MACF1: variants seen among roughly 807,000 people sequenced by gnomAD.
MACF1 encodes the protein microtubule-actin cross-linking factor 1.
A neutral mutation model predicts 854.8 loss-of-function variants in MACF1; 193 were observed. The ratio of observed to expected loss-of-function variants is 0.23; its 90% CI spans 0.20 to 0.25. The LOEUF (loss-of-function observed/expected upper bound fraction) is 0.25, where lower values mean the gene tolerates loss of function less well. Ranked by LOEUF, MACF1 falls within the 10% of genes least tolerant of loss-of-function variation. The probability of loss-of-function intolerance (pLI) is 1.00; values close to 1 mark genes in which losing one functional copy is unlikely to be tolerated. For synonymous variants in MACF1, 3,185 were observed against 3,226.7 expected (o/e 0.99, Z 0.44); for missense variants, 7,722 against 8,929.1 (o/e 0.86, Z 5.45).
chr1:39,292,570 C>T (rs1487114413), intron 16 of MACF1, among the ~76,000 whole-genome samples, 196 bp from the exon 17 acceptor site: 3 of 152,204 alleles, frequency 2.0e-5, no homozygotes, highest in African/African-American at 7.2e-5. Context: ...TGTAATTACC[C>T]TGCTCAACTG....
At chr1:39,175,031 G>A (rs1050854760) in intron 2 of MACF1, among the ~76,000 whole-genome samples, 4 of 152,292 alleles carry the variant, frequency 2.6e-5, no homozygotes, top group Non-Finnish European at 5.9e-5. Context: ...GGCTAAGGAA[G>A]TGGCACAGAA....
rs938615622 is a variant in MACF1, at chr1:39,162,738, G to A, written c.221-68444G>A. The stretch of plus-strand genomic sequence containing the variant: ...GAATTTACTTTACAAGATGTTGTGG[G>A]GATTAAATGAGATAGTGAATATAAC... On this transcript the variant is annotated intron_variant, in intron 2 of 93. Coordinates refer to the MACF1 transcript ENST00000361689. 2.0e-5 allele frequency among the ~76,000 whole-genome samples: 3 copies of A among 152,024 alleles called. No homozygotes were observed. The East Asian group carries it at 5.8e-4, about 29-fold the overall frequency.
At position 39,269,082 on chromosome 1, in the gene MACF1, G is replaced by T. The variant is rs1458016269; in HGVS notation, c.528+11054G>T. On this transcript the variant is annotated intron_variant, in intron 6 of 100. Transcript: ENST00000564288. ...CCTTTTGTTAGAGAATGAGTCATCAGTTGCTGGAGGGGTCTGGGATTCCCT... is the reference window on the plus strand; with the variant it reads ...CCTTTTGTTAGAGAATGAGTCATCATTTGCTGGAGGGGTCTGGGATTCCCT... The T allele has an allele frequency of 4.7e-6, 6 of 1,289,674 alleles. 1 individual carries two copies. The Admixed American group carries it at 1.4e-4, about 30-fold the overall frequency. The allele number at this position is 1,289,674 out of a possible 1,614,324, so 79.9% of individuals were successfully genotyped here. A position where few individuals can be genotyped will look rare whatever the true frequency, so the allele number is the denominator to read the frequency against.
chr1:39,458,261 C>G, intron 89 of MACF1, 109 bp from the exon 90 acceptor site: 1 of 1,055,382 alleles, frequency 9.5e-7, no homozygotes, highest in East Asian at 2.6e-5. Flanking sequence ...CTCCACACAG[C>G]CTTTCCTGCC....
rs761483487 is a variant in MACF1 at position 39,309,574 on chromosome 1, G to A, written c.2794G>A (p.Glu932Lys). The A allele has an allele frequency of 6.2e-6, 10 of 1,613,974 alleles. No homozygotes were observed. The highest frequency in any genetic ancestry group is 1.6e-4 in the Middle Eastern group (1 of 6,062). ...CAGGTTCTGTGTTATTTCTAGGGTC[G>A]AACAATCTTATCAGAAGGTTATGGC... is the stretch of plus-strand genomic sequence containing the variant. ...KDAIEMASRV[E>K]QSYQKVMALW... is the part of the protein sequence containing the mutation. Residue 932 changes from glutamate (E) to lysine (K), a missense_variant, in exon 24 of 101, where the codon GAA (glutamate) becomes AAA (lysine). Glu to Lys is a moderately conservative substitution (Grantham distance 56). Transcript: ENST00000564288.
chr1:39,254,127 G>A (rs150898934), intron 4 of MACF1, 171 bp from the exon 5 acceptor site: 2 of 585,428 alleles, frequency 3.4e-6, no homozygotes, highest in Admixed American at 3.0e-5. Context: ...GAGCCTGGTC[G>A]AAACACGTAC....
chr1:39,362,152 A>C (rs762793136), intron 49 of MACF1, among the ~76,000 whole-genome samples: 1 of 152,234 alleles, frequency 6.6e-6, no homozygotes, highest in Non-Finnish European at 1.5e-5. Context: ...GCTACCACAG[A>C]TATATATCCA....
rs75247234 is a variant in MACF1 at position 39,240,271 on chromosome 1, G to A, written c.171+9028G>A. Among the ~76,000 whole-genome samples, 79 of 152,324 alleles carry A rather than the reference G, an allele frequency of 5.2e-4. 2 individuals carry two copies. In the East Asian group the frequency reaches 0.013, roughly 25 times the overall value. ...GAGTTTAATTTAAGAAATTGACAAAGTAGTGCTGGTTAGATGCTAAGGAAA... is the reference window on the plus strand; with the variant it reads ...GAGTTTAATTTAAGAAATTGACAAAATAGTGCTGGTTAGATGCTAAGGAAA... On this transcript the variant is annotated intron_variant, in intron 2 of 100. Transcript: ENST00000564288.
intron 58 of MACF1, among the ~76,000 whole-genome samples, chr1:39,421,424 C>T (rs147976179): frequency 3.3e-5 from 5 of 152,278 alleles, no homozygotes; most frequent in Admixed American, 1.3e-4. Context: ...CATTTCCCAA[C>T]GTTACTGGCC....
chr1:39,439,831 C>T (rs1248048650), intron 72 of MACF1, among the ~76,000 whole-genome samples: 2 of 152,034 alleles, frequency 1.3e-5, no homozygotes. Context: ...GTTCTGAACT[C>T]CTGACCTCAG....
In MACF1 at chr1:39,486,064, G is replaced by T; in HGVS notation, c.*270G>T. On this transcript the variant is annotated 3_prime_UTR_variant, in exon 101 of 101. Coordinates refer to ENST00000564288, the MANE Select transcript of MACF1 (RefSeq NM_001394062.1). ...CAAGTGAAAAGGTCAAGATACAAATGTGTATTAAAAAAAAAAAAGCCTATT... is the reference window on the plus strand; with the variant it reads ...CAAGTGAAAAGGTCAAGATACAAATTTGTATTAAAAAAAAAAAAGCCTATT... 7.1e-6 allele frequency: 2 copies of T among 280,786 alleles called. No homozygotes were observed. The highest frequency in any genetic ancestry group is 6.5e-6 in the Non-Finnish European group (1 of 154,018). The allele number at this position is 280,786 out of a possible 1,614,324, so 17.4% of individuals were successfully genotyped here.
At chr1:39,380,718 C>T (rs955269413) in intron 55 of MACF1, among the ~76,000 whole-genome samples, 1 of 152,018 alleles carries the variant, frequency 6.6e-6, no homozygotes, top group Non-Finnish European at 1.5e-5. Context: ...CCAGTCTGGG[C>T]AACATAGCAA....
At chr1:39,171,733 C>T (rs1157515936) in intron 2 of MACF1, among the ~76,000 whole-genome samples, 3 of 152,208 alleles carry the variant, frequency 2.0e-5, no homozygotes, top group Non-Finnish European at 4.4e-5. Flanking sequence ...TCACGCCATT[C>T]TCCTGCCTCA....
chr1:39,404,744 C>G (rs1642627494), intron 58 of MACF1, among the ~76,000 whole-genome samples: 1 of 152,158 alleles, frequency 6.6e-6, no homozygotes, highest in African/African-American at 2.4e-5. Flanking sequence ...CTCAGCTTCT[C>G]AAAGTATTGG....
chr1:39,483,103 AAAAAAAAAAC>A (rs796536273), intron 99 of MACF1, among the ~76,000 whole-genome samples: 4,627 of 145,738 alleles, frequency 0.032, 378 homozygotes, highest in East Asian at 0.3. Flanking sequence ...AAAAAAAAAA[AAAAAAAAAAC>A]ACCCACACAT....
chr1:39,415,437 G>A (rs1313678225), intron 58 of MACF1, among the ~76,000 whole-genome samples: 1 of 149,802 alleles, frequency 6.7e-6, no homozygotes, highest in East Asian at 1.9e-4. Context: ...CCGGGTTCAC[G>A]CCATTCTCCT....
chr1:39,469,316 A>T (rs1412563889), intron 96 of MACF1, among the ~76,000 whole-genome samples: 2 of 152,194 alleles, frequency 1.3e-5, no homozygotes, highest in Non-Finnish European at 2.9e-5. Context: ...TAATATGAGC[A>T]TGAGTGGTGG....
At chr1:39,351,227 A>G (rs1014626853) in intron 43 of MACF1, among the ~76,000 whole-genome samples, 2 of 152,008 alleles carry the variant, frequency 1.3e-5, no homozygotes, top group African/African-American at 4.8e-5. Flanking sequence ...GCTTACTGCA[A>G]CCTCTGCCTG....
At position 39,387,437 on chromosome 1, in the gene MACF1, T is replaced by C. The variant is rs199779097; in HGVS notation, c.14595T>C (p.Pro4865=). Residue 4865 remains proline (P), a synonymous_variant, in exon 58 of 101, where the codon CCT becomes CCC. Transcript: ENST00000564288. Reference sequence around the variant, plus strand: ...GGGAATCTCTACTTCTTTCTGTACCTCCTGGAGAAGAGAAAAGGACTCTAC... The same window carrying C: ...GGGAATCTCTACTTCTTTCTGTACCCCCTGGAGAAGAGAAAAGGACTCTAC... ...AEGESLLLSV[P]PGEEKRTLQN... is the part of the protein sequence containing the mutation. 6.2e-7 allele frequency: 1 copy of C among 1,614,198 alleles called. No homozygotes were observed. Among genetic ancestry groups the C allele is most frequent in the Admixed American group, 1.7e-5 (1 of 60,020 alleles).
Sources: gnomAD v4.1 joint callset for allele counts (sites outside exome capture counted in the v4.1 genomes callset) on GRCh38, gnomAD v4.1.1 for gene constraint, MANE v1.5 for transcripts, NCBI Gene and HGNC (gene_info 2026-07-23, HGNC 2026-07-21) for gene names.